SLC25A16: variants seen among roughly 807,000 people sequenced by gnomAD.
The protein encoded by SLC25A16 is mitochondrial coenzyme A transporter SLC25A16.
SLC25A16 carries 39 observed loss-of-function variants against 41.5 expected under a neutral mutation model. That is an observed-to-expected ratio of 0.94 (90% confidence interval 0.73 to 1.23). The LOEUF is 1.23. Ranked by LOEUF, SLC25A16 falls within the 50% of genes most tolerant of loss-of-function variation. The probability of loss-of-function intolerance (pLI) is 0.00; values close to 1 mark genes in which losing one functional copy is unlikely to be tolerated. For synonymous variants in SLC25A16, 146 were observed against 147.8 expected, an observed-to-expected ratio of 0.99 and a Z score of 0.09; for missense variants, 421 against 426.9, an observed-to-expected ratio of 0.99 and a Z score of 0.12.
intron 2 of SLC25A16, 141 bp from the exon 3 acceptor site, chr10:68,506,859 A>G (rs2052964196): frequency 3.9e-6 from 2 of 509,472 alleles, no homozygotes; most frequent in African/African-American, 2.0e-5. Flanking sequence ...TAATTTCTAT[A>G]AAACAGTTAA....
chr10:68,507,155 C>T (rs995885028), intron 2 of SLC25A16, among the ~76,000 whole-genome samples: 37 of 148,448 alleles, frequency 2.5e-4, no homozygotes, highest in African/African-American at 8.4e-4. Flanking sequence ...TCACTGCAAC[C>T]TCCGCCTCCC....
Position 68,482,427 on chromosome 10 carries a change from G to C in SLC25A16, c.*1005C>G, listed in dbSNP as rs1185625836. 2 of 152,368 alleles carry C rather than the reference G, an allele frequency of 1.3e-5. No homozygotes were observed. Among genetic ancestry groups the C allele is most frequent in the Admixed American group, 1.3e-4 (2 of 15,234 alleles). 9.4% of individuals were successfully genotyped at this position (152,368 alleles called of 1,614,324 possible). Reference sequence around the variant, plus strand: ...TTTTACATTTCTACGTCTTCATATTGCACTAAAATTATTTTACATGGAAGA... The same window carrying C: ...TTTTACATTTCTACGTCTTCATATTCCACTAAAATTATTTTACATGGAAGA... On this transcript the variant is annotated 3_prime_UTR_variant, in exon 9 of 9. Transcript: ENST00000609923.
intron 8 of SLC25A16, among the ~76,000 whole-genome samples, chr10:68,486,231 C>CAAAAAA (rs569434507): frequency 2.4e-5 from 2 of 85,052 alleles, no homozygotes; most frequent in East Asian, 3.0e-4. Flanking sequence ...AAAAACAAAA[C>CAAAAAA]AAAAAAAAAA....
intron 6 of SLC25A16, among the ~76,000 whole-genome samples, chr10:68,490,513 T>TA (rs1370336636): frequency 1.1e-4 from 17 of 151,970 alleles, no homozygotes; most frequent in Non-Finnish European, 2.5e-4. Context: ...TGGCTAATTT[T>TA]TGTATTTTTA....
At chr10:68,498,600 C>T (rs1012531806) in intron 4 of SLC25A16, among the ~76,000 whole-genome samples, 1 of 152,036 alleles carries the variant, frequency 6.6e-6, no homozygotes, top group Non-Finnish European at 1.5e-5. Flanking sequence ...GGAGGCTGAG[C>T]GGGGAGGACT....
At chr10:68,526,398 C>T (rs200640338) in intron 1 of SLC25A16, among the ~76,000 whole-genome samples, 1 of 152,280 alleles carries the variant, frequency 6.6e-6, no homozygotes, top group East Asian at 1.9e-4. Context: ...TGCTGACCCT[C>T]TCCCCACAAT....
Position 68,483,095 on chromosome 10 carries a change from A to C in SLC25A16, c.*337T>G, listed in dbSNP as rs1159171819. Reference sequence around the variant, plus strand: ...TGTCAGTCTTTTAAAAACCATGATAACAATTAAAAACTTTGAACAGCATGA... The same window carrying C: ...TGTCAGTCTTTTAAAAACCATGATACCAATTAAAAACTTTGAACAGCATGA... On this transcript the variant is annotated 3_prime_UTR_variant, in exon 9 of 9. Transcript: ENST00000609923. 3 of 167,480 alleles carry C rather than the reference A, an allele frequency of 1.8e-5. No individual in the cohort carries two copies. The highest frequency in any genetic ancestry group is 3.8e-5 in the Non-Finnish European group (3 of 78,458). 10.4% of individuals were successfully genotyped at this position (167,480 alleles called of 1,614,324 possible). A position where few individuals can be genotyped will look rare whatever the true frequency, so the allele number is the denominator to read the frequency against.
At chr10:68,484,544 G>A (rs1483999851) in intron 8 of SLC25A16, among the ~76,000 whole-genome samples, 1 of 150,816 alleles carries the variant, frequency 6.6e-6, no homozygotes, top group Non-Finnish European at 1.5e-5. Flanking sequence ...TCCCACCTCA[G>A]CCTCTTCAGT....
At chr10:68,499,933 T>C (rs746743524) in intron 4 of SLC25A16, 7 of 573,516 alleles carry the variant, frequency 1.2e-5, no homozygotes, top group African/African-American at 1.1e-4. Flanking sequence ...AAAGGGCAAA[T>C]ACAAGGAAGA....
At chr10:68,485,001 A>T (rs981249428) in intron 8 of SLC25A16, among the ~76,000 whole-genome samples, 6 of 152,106 alleles carry the variant, frequency 3.9e-5, no homozygotes, top group African/African-American at 1.2e-4. Context: ...GTTTGTATTT[A>T]AAAAAAAGAA....
At chr10:68,500,499 G>A (rs912647913) in intron 4 of SLC25A16, among the ~76,000 whole-genome samples, 3 of 151,828 alleles carry the variant, frequency 2.0e-5, no homozygotes, top group African/African-American at 2.4e-5. Flanking sequence ...CTACAGACAG[G>A]GTTTCACCAT....
chr10:68,483,697 C>A (rs768354416), intron 8 of SLC25A16, 109 bp from the exon 9 acceptor site: 5 of 864,018 alleles, frequency 5.8e-6, no homozygotes, highest in Non-Finnish European at 6.8e-6. Flanking sequence ...GCTCTGTCAC[C>A]CAGATGGGAG....
chr10:68,505,419 T>C (rs1431560540), intron 3 of SLC25A16, among the ~76,000 whole-genome samples: 2 of 152,070 alleles, frequency 1.3e-5, no homozygotes, highest in Admixed American at 6.6e-5. Flanking sequence ...ATTAATATTA[T>C]ATGGATTTAT....
chr10:68,511,799 C>G (rs2053067508), intron 2 of SLC25A16, among the ~76,000 whole-genome samples: 1 of 151,808 alleles, frequency 6.6e-6, no homozygotes, highest in Non-Finnish European at 1.5e-5. Flanking sequence ...ATCAAGCAAG[C>G]CTCCCACCTC....
At chr10:68,487,744 C>CTATG (rs2052587756) in intron 7 of SLC25A16, among the ~76,000 whole-genome samples, 1 of 152,218 alleles carries the variant, frequency 6.6e-6, no homozygotes, top group African/African-American at 2.4e-5. Flanking sequence ...TGCTCTAATG[C>CTATG]TATGCAGCAA....
intron 3 of SLC25A16, among the ~76,000 whole-genome samples, chr10:68,504,177 C>T (rs568387248): frequency 1.3e-4 from 19 of 151,536 alleles, no homozygotes; most frequent in Admixed American, 7.9e-4. Flanking sequence ...CCATTACGCC[C>T]GGCTAATTTT....
At position 68,479,572 on chromosome 10, in the gene SLC25A16, G is replaced by A. The variant is rs979469912; in HGVS notation, c.*3860C>T. 4.4e-5 allele frequency: 5 copies of A among 112,650 alleles called. No homozygotes were observed. Among genetic ancestry groups the A allele is most frequent in the African/African-American group, 1.5e-4 (4 of 26,060 alleles). 7.0% of individuals were successfully genotyped at this position (112,650 alleles called of 1,614,324 possible). On this transcript the variant is annotated 3_prime_UTR_variant, in exon 9 of 9. Coordinates refer to ENST00000609923, the MANE Select transcript of SLC25A16 (RefSeq NM_152707.4). The stretch of plus-strand genomic sequence containing the variant: ...AGTAGTCCCAGCATTTTGGGAAGTC[G>A]GGGGGGCAGATCACTTGAGGTCAGG...
chr10:68,492,962 C>T (rs531750853), intron 6 of SLC25A16, among the ~76,000 whole-genome samples, 170 bp downstream of exon 6: 5 of 150,644 alleles, frequency 3.3e-5, no homozygotes, highest in Admixed American at 6.7e-5. Context: ...CAATTATACA[C>T]GAATAGTCAT....
rs1590135211 is a variant in SLC25A16, at chr10:68,527,244, A to G, written c.130+2T>C. The G allele has an allele frequency of 6.5e-7, 1 of 1,547,014 alleles. No homozygotes were observed. ...GGCTGGCTCTTCGTGGCATGGACCC[A>G]CCTCCGGCCAGAAAGGAGCGCAGCC... On this transcript the variant is annotated splice_donor_variant, in intron 1 of 8. Transcript: ENST00000609923. LOFTEE classifies it high-confidence loss of function.
Sources: allele counts gnomAD v4.1 joint callset (sites outside exome capture counted in the v4.1 genomes callset), GRCh38; gene constraint gnomAD v4.1.1; transcripts MANE v1.5; gene names NCBI Gene and HGNC (gene_info 2026-07-23, HGNC 2026-07-21).